Variants in LINS1 observed in about 807,000 individuals in gnomAD.
LINS1 encodes the protein protein Lines homolog 1.
Under a neutral mutation model 41.6 loss-of-function variants are expected in LINS1, and 27 were observed. The observed-to-expected ratio is 0.65, with a 90% confidence interval of 0.48 to 0.89. LINS1 has a LOEUF of 0.89. LINS1 is among the 40% of genes least tolerant of loss of function. The pLI, the probability that LINS1 is intolerant of heterozygous loss-of-function variation, is 0.00. For synonymous variants in LINS1, 336 were observed against 312.9 expected, an observed-to-expected ratio of 1.07 and a Z score of -0.78; for missense variants, 955 against 884.1, an observed-to-expected ratio of 1.08 and a Z score of -1.02.
intron 5 of LINS1, chr15:100,572,511 C>A: frequency 9.7e-7 from 1 of 1,029,628 alleles, no homozygotes; most frequent in Non-Finnish European, 1.2e-6. Context: ...CATAGAAGTA[C>A]TACTATTAAG....
chr15:100,593,618 T>C (rs2039133177), intron 1 of LINS1, among the ~76,000 whole-genome samples: 1 of 151,532 alleles, frequency 6.6e-6, no homozygotes, highest in African/African-American at 2.4e-5. Context: ...CTAAGAGAGA[T>C]GTTATGTCAC....
rs951584174 is a variant in LINS1, at chr15:100,580,641, G to C, written c.202C>G (p.Pro68Ala). 6 of 1,613,848 alleles carry C rather than the reference G, an allele frequency of 3.7e-6. No individual in the cohort carries two copies. Among genetic ancestry groups the C allele is most frequent in the Non-Finnish European group, 5.1e-6 (6 of 1,179,942 alleles). ...RHQPISVGVA[P>A]IAVAPVCLKT... ...AAACACACAGGTGCTACAGCAATGG[G>C]AGCCACACCAACAGAGATGGGCTGA... is the stretch of plus-strand genomic sequence containing the variant. Residue 68 changes from proline (P) to alanine (A), a missense_variant, in exon 2 of 7, where the codon CCC (proline) becomes GCC (alanine). Transcript: ENST00000314742.
chr15:100,585,326 T>C (rs986934311), intron 1 of LINS1, among the ~76,000 whole-genome samples: 1 of 152,234 alleles, frequency 6.6e-6, no homozygotes, highest in African/African-American at 2.4e-5. Flanking sequence ...CTCTCGCAGT[T>C]GCAATGCTGT....
At position 100,574,998 on chromosome 15, in the gene LINS1, G is replaced by T; in HGVS notation, c.620C>A (p.Ser207Ter). 2.5e-6 allele frequency: 4 copies of T among 1,612,538 alleles called. No individual in the cohort carries two copies. In the South Asian group the frequency reaches 4.4e-5, roughly 18 times the overall value. Residue 207 changes from serine (S) to a stop codon, truncating the protein, a stop_gained, in exon 4 of 7, where the codon TCA becomes TAA. Coordinates refer to ENST00000314742, the MANE Select transcript of LINS1 (RefSeq NM_001040616.3). LOFTEE classifies it high-confidence loss of function. The part of the protein sequence containing the change: ...IIKEIFKDSC[S>*]QKTEILKQFL... ...CATGTAATCCATACCTGTTTTCTGT[G>T]AACATGAATCTTTAAAGATTTCTTT...
intron 5 of LINS1, chr15:100,572,659 C>CA (rs1482209379): frequency 1.0e-6 from 1 of 987,172 alleles, no homozygotes; most frequent in Non-Finnish European, 1.2e-6. Flanking sequence ...AAATTATATC[C>CA]AAAGCAATTC....
chr15:100,582,156 CG>C (rs1362259034), intron 1 of LINS1, among the ~76,000 whole-genome samples: 25 of 137,776 alleles, frequency 1.8e-4, no homozygotes, highest in African/African-American at 6.7e-4. Context: ...GTCTACACTA[CG>C]GCCCACCAGC....
intron 5 of LINS1, chr15:100,572,405 C>G (rs1410579783): frequency 8.9e-7 from 1 of 1,127,806 alleles, no homozygotes; most frequent in African/African-American, 1.6e-5. Context: ...AAGATCACTT[C>G]ATCGGATGCC....
At chr15:100,575,669 C>A (rs1259289099) in intron 3 of LINS1, among the ~76,000 whole-genome samples, 1 of 152,190 alleles carries the variant, frequency 6.6e-6, no homozygotes, top group Non-Finnish European at 1.5e-5. Context: ...CTGCACCAAG[C>A]AGACCTAATA....
chr15:100,574,466 G>A (rs145981015), intron 4 of LINS1, among the ~76,000 whole-genome samples: 2,377 of 152,298 alleles, frequency 0.016, 38 homozygotes, highest in Non-Finnish European at 0.022. Flanking sequence ...CCAGCACTTC[G>A]GGAGGCCGAT....
chr15:100,600,889 C>T (rs914718296), intron 1 of LINS1, among the ~76,000 whole-genome samples: 1 of 152,170 alleles, frequency 6.6e-6, no homozygotes. Context: ...CCTTAGGATA[C>T]AGTCCAAACT....
intron 1 of LINS1, among the ~76,000 whole-genome samples, chr15:100,600,331 C>T (rs1235296696): frequency 6.6e-6 from 1 of 151,956 alleles, no homozygotes; most frequent in East Asian, 1.9e-4. Context: ...TCCTTGACTC[C>T]TTGCTGTGTA....
Position 100,574,213 on chromosome 15 carries a change from G to A in LINS1, c.660C>T (p.Phe220=), listed in dbSNP as rs8039437. 0.44 allele frequency: 703,931 copies of A among 1,607,152 alleles called. 159,617 individuals are homozygous for A. The highest frequency in any genetic ancestry group is 0.47 in the Non-Finnish European group (557,208 of 1,174,172). ...TEILKQFLTH[F]DTIFEVFYNS... ...TGTAAAACACTTCAAAAATGGTGTC[G>A]AAATGAGTCAGGAACTGCTTTAGAA... is the stretch of plus-strand genomic sequence containing the variant. Residue 220 remains phenylalanine, a synonymous_variant, in exon 5 of 7, where the codon TTC becomes TTT. Coordinates refer to ENST00000314742, the MANE Select transcript of LINS1 (RefSeq NM_001040616.3).
At chr15:100,575,242 A>C in intron 3 of LINS1, 114 bp from the exon 4 acceptor site, 5 of 880,920 alleles carry the variant, frequency 5.7e-6, no homozygotes, top group South Asian at 1.5e-5. Flanking sequence ...AATATGTGGC[A>C]CACCGAGAAG....
chr15:100,575,227 A>G (rs775322154), intron 3 of LINS1, 99 bp from the exon 4 acceptor site: 1 of 1,057,946 alleles, frequency 9.5e-7, no homozygotes, highest in Non-Finnish European at 1.4e-6. Flanking sequence ...CAAAAGAAGT[A>G]TGATAATATG....
At position 100,580,554 on chromosome 15, in the gene LINS1, T is replaced by C; in HGVS notation, c.289A>G (p.Lys97Glu). 1 of 1,614,064 alleles carries C rather than the reference T, an allele frequency of 6.2e-7. No individual in the cohort carries two copies. The highest frequency in any genetic ancestry group is 8.5e-7 in the Non-Finnish European group (1 of 1,179,958). Residue 97 changes from lysine (K) to glutamate (E), a missense_variant, in exon 2 of 7, where the codon AAA (lysine) becomes GAA (glutamate). Coordinates refer to ENST00000314742, the MANE Select transcript of LINS1 (RefSeq NM_001040616.3). ...GACAATATCCGGGTTGTCATCACTTTGATCACTGTTAACTGAAGGAGCATT... is the reference window on the plus strand; with the variant it reads ...GACAATATCCGGGTTGTCATCACTTCGATCACTGTTAACTGAAGGAGCATT... Reference protein sequence around the residue: ...EVMLLQLTVIKVMTTRILSVK... With the variant: ...EVMLLQLTVIEVMTTRILSVK...
chr15:100,579,259 A>T (rs1321153761), intron 3 of LINS1, among the ~76,000 whole-genome samples: 1 of 151,212 alleles, frequency 6.6e-6, no homozygotes, highest in Non-Finnish European at 1.5e-5. Context: ...TGGTAAAAAG[A>T]TACTTTACAT....
chr15:100,598,144 G>A (rs1172914898), intron 1 of LINS1, among the ~76,000 whole-genome samples: 1 of 152,166 alleles, frequency 6.6e-6, no homozygotes, highest in African/African-American at 2.4e-5. Flanking sequence ...CTTACAGAAT[G>A]TGTCACAATT....
At chr15:100,572,831 T>A in intron 5 of LINS1, 1 of 865,588 alleles carries the variant, frequency 1.2e-6, no homozygotes, top group Non-Finnish European at 1.4e-6. Context: ...CAATATAACT[T>A]CTCATATATT....
chr15:100,574,268 A>G (rs778008636), intron 4 of LINS1, 27 bp from the exon 5 acceptor site: 5 of 1,366,788 alleles, frequency 3.7e-6, no homozygotes, highest in Non-Finnish European at 4.2e-6. Context: ...AGGAATTATA[A>G]ACAGGAAAAA....
Sources: gnomAD v4.1 joint callset for allele counts (sites outside exome capture counted in the v4.1 genomes callset) on GRCh38, gnomAD v4.1.1 for gene constraint, MANE v1.5 for transcripts, NCBI Gene and HGNC (gene_info 2026-07-23, HGNC 2026-07-21) for gene names.